CADPS2: variants seen among roughly 807,000 people sequenced by gnomAD.
CADPS2 encodes the protein calcium dependent secretion activator 2.
A neutral mutation model predicts 172.5 loss-of-function variants in CADPS2; 93 were observed. That is an observed-to-expected ratio of 0.54 (90% CI 0.46 to 0.64). The LOEUF (loss-of-function observed/expected upper bound fraction) is 0.64. Ranked by LOEUF, CADPS2 falls within the 30% of genes least tolerant of loss-of-function variation. The pLI is 0.00. For missense variants in CADPS2, 1,420 were observed against 1,565.9 expected (o/e 0.91, Z 1.57); for synonymous variants, 546 against 555.2 (o/e 0.98, Z 0.23).
intron 1 of CADPS2, among the ~76,000 whole-genome samples, chr7:122,852,901 A>G (rs951183636): frequency 2.6e-5 from 4 of 152,154 alleles, no homozygotes; most frequent in Non-Finnish European, 5.9e-5. Context: ...AAGCAGAAAA[A>G]CAAATTTAGG....
chr7:122,334,690 G>A (rs955475440), intron 28 of CADPS2, among the ~76,000 whole-genome samples: 13 of 152,102 alleles, frequency 8.5e-5, no homozygotes, highest in African/African-American at 2.9e-4. Context: ...TCCACTTGAA[G>A]CAGAGGGAGA....
chr7:122,654,274 T>C (rs1043491487), intron 3 of CADPS2, among the ~76,000 whole-genome samples: 7 of 152,200 alleles, frequency 4.6e-5, no homozygotes, highest in Non-Finnish European at 5.9e-5. Context: ...GCTAAGATCA[T>C]TGATGAAAGT....
intron 25 of CADPS2, among the ~76,000 whole-genome samples, chr7:122,365,664 A>C (rs2151188620): frequency 6.6e-6 from 1 of 152,230 alleles, no homozygotes; most frequent in South Asian, 2.1e-4. Context: ...GGAATGAAAC[A>C]CTGTAATCTC....
intron 2 of CADPS2, among the ~76,000 whole-genome samples, chr7:122,679,059 A>G (rs908034923): frequency 6.6e-6 from 1 of 152,134 alleles, no homozygotes; most frequent in African/African-American, 2.4e-5. Context: ...GCGTTTGAAC[A>G]ATATGAAATC....
intron 19 of CADPS2, chr7:122,409,553 T>C (rs2047053936): frequency 2.4e-6 from 1 of 420,530 alleles, no homozygotes; most frequent in Admixed American, 2.5e-5. Context: ...TATATATTTA[T>C]ATCTCAAGTT....
chr7:122,331,273 A>G (rs1444936462), intron 28 of CADPS2: 1 of 152,192 alleles, frequency 6.6e-6, no homozygotes. Context: ...TACTGTTTTT[A>G]TTAGTATTAT....
chr7:122,360,559 T>A (rs1469073763), intron 27 of CADPS2, among the ~76,000 whole-genome samples: 1 of 152,198 alleles, frequency 6.6e-6, no homozygotes, highest in Non-Finnish European at 1.5e-5. Context: ...TCAGGTGATA[T>A]GTTCTTATGA....
intron 2 of CADPS2, among the ~76,000 whole-genome samples, chr7:122,686,076 T>C (rs186012490): frequency 4.6e-4 from 70 of 152,358 alleles, no homozygotes; most frequent in African/African-American, 1.7e-3. Context: ...TTTTTTAGTA[T>C]ATTGATATCA....
chr7:122,482,461 A>G (rs548909254), intron 11 of CADPS2, among the ~76,000 whole-genome samples: 1 of 152,142 alleles, frequency 6.6e-6, no homozygotes. Flanking sequence ...TCTAGCCCAA[A>G]ATGTCAATAG....
intron 6 of CADPS2, among the ~76,000 whole-genome samples, chr7:122,596,540 T>C (rs2071818505): frequency 6.6e-6 from 1 of 152,080 alleles, no homozygotes; most frequent in Non-Finnish European, 1.5e-5. Context: ...AAGCGTGAAA[T>C]GTAAACAAAT....
At chr7:122,661,354 G>T (rs1040023513) in intron 3 of CADPS2, among the ~76,000 whole-genome samples, 4 of 152,166 alleles carry the variant, frequency 2.6e-5, no homozygotes, top group African/African-American at 4.8e-5. Context: ...AAACCAGGGT[G>T]CCCACAGTCC....
At chr7:122,462,381 A>G (rs1406678940) in intron 14 of CADPS2, among the ~76,000 whole-genome samples, 1 of 152,038 alleles carries the variant, frequency 6.6e-6, no homozygotes, top group Non-Finnish European at 1.5e-5. Flanking sequence ...AAAAAAAAAG[A>G]ATTAAAGAAA....
Position 122,491,405 on chromosome 7 carries a change from A to C in CADPS2, c.1558T>G (p.Phe520Val). Residue 520 changes from phenylalanine (F) to valine (V), a missense_variant, in exon 10 of 30, where the codon TTT becomes GTT. Transcript: ENST00000449022. ...TTTTCTCTATAACTGCACATAGCAA[A>C]GGTATATTGGCTAACCTGCTCGAGA... is the stretch of plus-strand genomic sequence containing the variant. ...FVLVQVSQYT[F>V]AMCSYREKKS... is the part of the protein sequence containing the mutation. 1 of 1,606,928 alleles carries C rather than the reference A, an allele frequency of 6.2e-7. No homozygotes were observed. The highest frequency in any genetic ancestry group is 8.5e-7 in the Non-Finnish European group (1 of 1,176,126).
intron 25 of CADPS2, chr7:122,368,107 G>T: frequency 6.6e-6 from 1 of 152,546 alleles, no homozygotes; most frequent in South Asian, 2.1e-4. Flanking sequence ...TCGAACTCCT[G>T]ACCTCAAGTG....
chr7:122,640,538 G>T lies in CADPS2; in HGVS notation c.787-11210C>A, dbSNP rs745435170. Among the ~76,000 whole-genome samples the T allele has an allele frequency of 8.0e-5, 12 of 150,556 alleles. No homozygotes were observed. The South Asian group carries it at 1.9e-3, about 24-fold the overall frequency. On this transcript the variant is annotated intron_variant, in intron 3 of 29. Coordinates refer to ENST00000449022, the MANE Select transcript of CADPS2 (RefSeq NM_017954.11). ...AAAAAAAAAGAAGGGAAGGGGAGAAGAAATAAATAAAAGCCTGAATGGACA... is the reference window on the plus strand; with the variant it reads ...AAAAAAAAAGAAGGGAAGGGGAGAATAAATAAATAAAAGCCTGAATGGACA...
chr7:122,506,727 TAAAAA>T (rs5887092), intron 9 of CADPS2, among the ~76,000 whole-genome samples: 2 of 142,036 alleles, frequency 1.4e-5, no homozygotes, highest in Non-Finnish European at 3.0e-5. Context: ...TAGAGTTATT[TAAAAA>T]AAAAAAAAAA....
chr7:122,799,947 C>T lies in CADPS2; in HGVS notation c.340-62879G>A, dbSNP rs117103235. On this transcript the variant is annotated intron_variant, in intron 1 of 29. Transcript: ENST00000449022. ...ACTTGGCCACTTACAAGCTATGTGA[C>T]TGTTGAAAGCCTGCCTCTGGCAGCT... Among the ~76,000 whole-genome samples the T allele has an allele frequency of 7.4e-4, 112 of 152,282 alleles. 1 individual carries two copies. The East Asian group carries it at 0.018, about 24-fold the overall frequency.
chr7:122,498,061 C>T (rs999296412), intron 9 of CADPS2, among the ~76,000 whole-genome samples: 2 of 152,106 alleles, frequency 1.3e-5, no homozygotes, highest in Non-Finnish European at 2.9e-5. Context: ...CATTCTTGTG[C>T]CTCAGCTTCC....
intron 8 of CADPS2, among the ~76,000 whole-genome samples, chr7:122,524,631 T>A (rs1478753278): frequency 6.6e-6 from 1 of 152,186 alleles, no homozygotes; most frequent in African/African-American, 2.4e-5. Context: ...ATAGTGTATG[T>A]GGTATCTCCA....
Sources: gnomAD v4.1 joint callset for allele counts (sites outside exome capture counted in the v4.1 genomes callset) on GRCh38, gnomAD v4.1.1 for gene constraint, MANE v1.5 for transcripts, NCBI Gene and HGNC (gene_info 2026-07-23, HGNC 2026-07-21) for gene names.